NDST4: variants seen among roughly 807,000 people sequenced by gnomAD.
NDST4 encodes the protein N-heparan sulfate sulfotransferase 4.
NDST4 carries 63 observed loss-of-function variants against 100.8 expected under a neutral mutation model. The observed-to-expected ratio is 0.62, with a 90% confidence interval of 0.51 to 0.77. NDST4 has a LOEUF of 0.77. Among genes scored for constraint, NDST4 ranks in the 30% least tolerant of loss-of-function variants. The pLI is 0.00. For synonymous variants in NDST4, 377 were observed against 361.8 expected (o/e 1.04, Z -0.48); for missense variants, 943 against 1,018.4 (o/e 0.93, Z 1.01).
chr4:115,033,157 A>ATATATATATATATTTT (rs1491126767), intron 2 of NDST4, among the ~76,000 whole-genome samples: 2 of 59,940 alleles, frequency 3.3e-5, no homozygotes, highest in African/African-American at 1.2e-4. Flanking sequence ...ATATATATAT[A>ATATATATATATATTTT]TTTTTTTTTT....
chr4:115,091,182 T>C (rs1018905238), intron 1 of NDST4, among the ~76,000 whole-genome samples: 3 of 152,104 alleles, frequency 2.0e-5, no homozygotes, highest in East Asian at 3.8e-4. Flanking sequence ...TTAACATTTG[T>C]CCAGTATCAT....
chr4:115,010,737 C>T (rs1026007054), intron 2 of NDST4, among the ~76,000 whole-genome samples: 2 of 151,826 alleles, frequency 1.3e-5, no homozygotes, highest in Non-Finnish European at 2.9e-5. Context: ...AAATCTAAAG[C>T]GATTGTAGGA....
At chr4:114,994,248 T>G (rs1394635681) in intron 2 of NDST4, among the ~76,000 whole-genome samples, 2 of 151,984 alleles carry the variant, frequency 1.3e-5, no homozygotes, top group Non-Finnish European at 2.9e-5. Context: ...TCTAAAAAAT[T>G]TTATGTTCCA....
Position 114,954,295 on chromosome 4 carries a change from T to G in NDST4, c.1221+16135A>C, listed in dbSNP as rs1283967010. On this transcript the variant is annotated intron_variant, in intron 4 of 13. Coordinates refer to ENST00000264363, the MANE Select transcript of NDST4 (RefSeq NM_022569.3). ...TTCTAAAATCACGATGGATTTAATTTAAATTAAATTTAATTTGAATGCCCA... is the reference window on the plus strand; with the variant it reads ...TTCTAAAATCACGATGGATTTAATTGAAATTAAATTTAATTTGAATGCCCA... Among the ~76,000 whole-genome samples, 18 of 152,320 alleles carry G rather than the reference T, an allele frequency of 1.2e-4. No homozygotes were observed. The East Asian group carries it at 3.1e-3, about 26-fold the overall frequency.
At position 114,929,160 on chromosome 4, in the gene NDST4, CTATG is replaced by C. The variant is rs1176584256; in HGVS notation, c.1536+6042_1536+6045del. On this transcript the variant is annotated intron_variant, in intron 6 of 13. Transcript: ENST00000264363. The stretch of plus-strand genomic sequence containing the variant: ...TCTATCTATCTATCTATCTATCTAT[CTATG>C]TATCTAAATCCTGCTGGGTCTGTTT... Among the ~76,000 whole-genome samples the C allele has an allele frequency of 1.4e-3, 207 of 148,846 alleles. 3 individuals are homozygous for C. Among genetic ancestry groups the C allele is most frequent in the Middle Eastern group, 3.5e-3 (1 of 284 alleles).
chr4:115,024,692 A>G (rs1290771854), intron 2 of NDST4, among the ~76,000 whole-genome samples: 2 of 152,128 alleles, frequency 1.3e-5, no homozygotes, highest in Non-Finnish European at 2.9e-5. Flanking sequence ...TGGTGCTGGA[A>G]GGAATTAAGA....
At chr4:114,914,138 T>C (rs550795665) in intron 6 of NDST4, among the ~76,000 whole-genome samples, 3 of 151,956 alleles carry the variant, frequency 2.0e-5, no homozygotes, top group Admixed American at 1.3e-4. Context: ...TCTAAACAAT[T>C]GAATTCATGG....
chr4:115,059,904 C>G (rs1326026661), intron 2 of NDST4, among the ~76,000 whole-genome samples: 1 of 151,532 alleles, frequency 6.6e-6, no homozygotes, highest in Non-Finnish European at 1.5e-5. Flanking sequence ...TTCTCTAAAG[C>G]TTCAGTATAG....
intron 2 of NDST4, among the ~76,000 whole-genome samples, chr4:115,074,557 C>T (rs541329): frequency 0.17 from 25,909 of 151,810 alleles, 2,649 homozygotes; most frequent in East Asian, 0.46. Flanking sequence ...AACTCAATTG[C>T]GGTCACTTTA....
In NDST4 at chr4:115,077,079, C is replaced by T. The variant is rs1388460228; in HGVS notation, c.-43G>A. On this transcript the variant is annotated 5_prime_UTR_variant, in exon 2 of 14. Transcript: ENST00000264363. ...TGGAAGCTTTTTCCCAATTTCGTTTCCTAAAGTGCCATAGTGAATAAAGTA... is the reference window on the plus strand; with the variant it reads ...TGGAAGCTTTTTCCCAATTTCGTTTTCTAAAGTGCCATAGTGAATAAAGTA... 4.6e-6 allele frequency: 7 copies of T among 1,523,172 alleles called. No homozygotes were observed. The East Asian group carries it at 1.4e-4, about 30-fold the overall frequency. The allele number at this position is 1,523,172 out of a possible 1,614,324, so 94.4% of individuals were successfully genotyped here. A position where few individuals can be genotyped will look rare whatever the true frequency, so the allele number is the denominator to read the frequency against.
chr4:115,016,260 C>A (rs915460201), intron 2 of NDST4, among the ~76,000 whole-genome samples: 2 of 152,014 alleles, frequency 1.3e-5, no homozygotes, highest in African/African-American at 4.8e-5. Flanking sequence ...AAGTAGGTGG[C>A]AATTCTTTGC....
Position 114,847,416 on chromosome 4 carries a change from A to AT in NDST4, c.1940+798_1940+799insA, listed in dbSNP as rs1391736224. On this transcript the variant is annotated intron_variant, in intron 9 of 13. Transcript: ENST00000264363. ...AAAAAAAAAAAAAAAAAAAAAAAAA[A>AT]GTGTCTTTCATTGCAAACAGGTTCA... Among the ~76,000 whole-genome samples, 147 of 103,632 alleles carry AT rather than the reference A, an allele frequency of 1.4e-3. 20 individuals are homozygous for AT. Among genetic ancestry groups the AT allele is most frequent in the African/African-American group, 3.1e-3 (73 of 23,590 alleles). The allele number at this position is 103,632 out of a possible 152,430, so 68.0% of individuals were successfully genotyped here.
chr4:115,096,737 TC>T (rs1274210007), intron 1 of NDST4, among the ~76,000 whole-genome samples: 1 of 152,120 alleles, frequency 6.6e-6, no homozygotes. Context: ...GGCATTCTGT[TC>T]TTTTTTATCA....
At chr4:114,996,228 T>C (rs1727158898) in intron 2 of NDST4, among the ~76,000 whole-genome samples, 1 of 152,046 alleles carries the variant, frequency 6.6e-6, no homozygotes, top group Non-Finnish European at 1.5e-5. Flanking sequence ...GAGTGAGTTC[T>C]CAGATCTGAT....
Position 114,842,775 on chromosome 4 carries a change from T to C in NDST4, c.2115+3048A>G, listed in dbSNP as rs546306938. 21 of 157,506 alleles carry C rather than the reference T, an allele frequency of 1.3e-4. No homozygotes were observed. The South Asian group carries it at 2.4e-3, about 18-fold the overall frequency. The allele number at this position is 157,506 out of a possible 1,614,324, so 9.8% of individuals were successfully genotyped here. On this transcript the variant is annotated intron_variant, in intron 10 of 13. Transcript: ENST00000264363. ...GAGATCACGCCATTGCACTCCAACC[T>C]GGGCGACAGAGTGAGACTCCATTAA...
At chr4:115,073,334 AT>A (rs761088223) in intron 2 of NDST4, among the ~76,000 whole-genome samples, 1 of 152,032 alleles carries the variant, frequency 6.6e-6, no homozygotes, top group Non-Finnish European at 1.5e-5. Flanking sequence ...AAGGAAATGA[AT>A]TCAACTTACC....
intron 6 of NDST4, among the ~76,000 whole-genome samples, chr4:114,882,489 G>A (rs1295783206): frequency 1.3e-5 from 2 of 151,998 alleles, no homozygotes; most frequent in African/African-American, 4.8e-5. Flanking sequence ...TAACTACTCA[G>A]TCAGTTATTT....
intron 4 of NDST4, among the ~76,000 whole-genome samples, chr4:114,938,799 T>C (rs1725687935): frequency 6.6e-6 from 1 of 152,208 alleles, no homozygotes; most frequent in African/African-American, 2.4e-5. Flanking sequence ...ATGACCCTCA[T>C]TGTATAGCCA....
rs560932926 is a variant in NDST4 at position 115,103,765 on chromosome 4, G to T, written c.-247+9679C>A. Among the ~76,000 whole-genome samples the T allele has an allele frequency of 2.1e-4, 32 of 152,168 alleles. 2 individuals carry two copies. The highest frequency in any genetic ancestry group is 6.0e-4 in the African/African-American group (25 of 41,534). On this transcript the variant is annotated intron_variant, in intron 1 of 13. Coordinates refer to ENST00000264363, the MANE Select transcript of NDST4 (RefSeq NM_022569.3). The stretch of plus-strand genomic sequence containing the variant: ...TTGGCCATAAACCAGAAATAATGTG[G>T]ATAGTAACATGTAAATATATCCTGT...
Sources: gnomAD v4.1 joint callset for allele counts (sites outside exome capture counted in the v4.1 genomes callset) on GRCh38, gnomAD v4.1.1 for gene constraint, MANE v1.5 for transcripts, NCBI Gene and HGNC (gene_info 2026-07-23, HGNC 2026-07-21) for gene names.